The following INPP4B variants were observed in gnomAD, a reference collection of about 807,000 sequenced individuals.
The protein encoded by INPP4B is inositol polyphosphate 4-phosphatase type II.
INPP4B carries 55 observed loss-of-function variants against 122.5 expected under a neutral mutation model. That is an observed-to-expected ratio of 0.45 (90% confidence interval 0.36 to 0.56). The LOEUF (loss-of-function observed/expected upper bound fraction) is 0.56. INPP4B is among the 20% of genes least tolerant of loss of function. The pLI is 0.00. For synonymous variants in INPP4B, 403 were observed against 388.7 expected (o/e 1.04, Z -0.43); for missense variants, 1,000 against 1,097.7 (o/e 0.91, Z 1.26).
At chr4:142,302,942 G>A (rs542307911) in intron 9 of INPP4B, among the ~76,000 whole-genome samples, 2 of 152,004 alleles carry the variant, frequency 1.3e-5, no homozygotes, top group Non-Finnish European at 2.9e-5. Flanking sequence ...TAGTAAATTC[G>A]CATTTAACTA....
At chr4:142,191,579 A>G (rs940877665) in intron 15 of INPP4B, among the ~76,000 whole-genome samples, 3 of 152,196 alleles carry the variant, frequency 2.0e-5, no homozygotes, top group African/African-American at 4.8e-5. Flanking sequence ...AGTAAATAGG[A>G]GATGCCTCTC....
intron 1 of INPP4B, among the ~76,000 whole-genome samples, chr4:142,832,505 T>C (rs1782270872): frequency 6.6e-6 from 1 of 152,158 alleles, no homozygotes; most frequent in Non-Finnish European, 1.5e-5. Flanking sequence ...CATAAATTGC[T>C]TTTAGCCTTT....
intron 2 of INPP4B, among the ~76,000 whole-genome samples, chr4:142,491,931 T>A (rs1821929877): frequency 6.6e-6 from 1 of 152,166 alleles, no homozygotes; most frequent in South Asian, 2.1e-4. Flanking sequence ...AAATAGTAAC[T>A]TGACATGGTT....
intron 2 of INPP4B, among the ~76,000 whole-genome samples, chr4:142,631,336 C>T (rs1307636949): frequency 6.6e-6 from 1 of 151,990 alleles, no homozygotes; most frequent in Non-Finnish European, 1.5e-5. Flanking sequence ...AAAATAGCAA[C>T]AGTTGCAGAA....
chr4:142,256,680 C>G (rs1199063381), intron 11 of INPP4B, among the ~76,000 whole-genome samples: 1 of 152,068 alleles, frequency 6.6e-6, no homozygotes, highest in Non-Finnish European at 1.5e-5. Context: ...CTGAATAGAC[C>G]AATAACAGGC....
At chr4:142,735,393 TTATCA>T (rs1375039167) in intron 1 of INPP4B, among the ~76,000 whole-genome samples, 5 of 152,168 alleles carry the variant, frequency 3.3e-5, no homozygotes, top group African/African-American at 9.7e-5. Flanking sequence ...AATAACATTA[TTATCA>T]TTATTGTAAT....
chr4:142,422,101 G>T (rs1807021748), intron 5 of INPP4B, among the ~76,000 whole-genome samples: 1 of 151,956 alleles, frequency 6.6e-6, no homozygotes, highest in Admixed American at 6.6e-5. Context: ...TGATAATATG[G>T]GAGAGATATT....
chr4:142,318,193 G>A (rs1017437362), intron 7 of INPP4B, among the ~76,000 whole-genome samples: 8 of 152,010 alleles, frequency 5.3e-5, no homozygotes, highest in Non-Finnish European at 1.0e-4. Context: ...CCCAGAGAGA[G>A]AAGAACAAAG....
chr4:142,682,073 A>G lies in INPP4B; in HGVS notation c.-191+43766T>C, dbSNP rs138956351. Among the ~76,000 whole-genome samples, 349 of 152,026 alleles carry G rather than the reference A, an allele frequency of 2.3e-3. 6 individuals carry two copies. Among genetic ancestry groups the G allele is most frequent in the Admixed American group, 0.02 (309 of 15,232 alleles). ...CTGTGAGTTCTAGCCTTATCCTTGA[A>G]GCAATATCTGTAGGAAAATTATTTC... On this transcript the variant is annotated intron_variant, in intron 2 of 25. Coordinates refer to ENST00000262992, the MANE Select transcript of INPP4B (RefSeq NM_001101669.3).
rs1337110204 is a variant in INPP4B, at chr4:142,086,370, G to T, written c.2375-114C>A. On this transcript the variant is annotated intron_variant, in intron 23 of 25. Transcript: ENST00000262992. ...CAAACACAACTTTTCTTTTAGGCAG[G>T]GTCTTGCTCTGCCTACCCAGGCTGG... The T allele has an allele frequency of 1.3e-4, 84 of 645,618 alleles. No homozygotes were observed. In the East Asian group the frequency reaches 2.3e-3, roughly 17 times the overall value. The allele number at this position is 645,618 out of a possible 1,614,324, so 40.0% of individuals were successfully genotyped here.
chr4:142,480,902 G>T (rs1328747246), intron 2 of INPP4B, among the ~76,000 whole-genome samples: 3 of 151,978 alleles, frequency 2.0e-5, no homozygotes, highest in African/African-American at 7.2e-5. Context: ...GTCTAAGGGT[G>T]TTATTTTTAT....
At chr4:142,577,627 C>T (rs1246622317) in intron 2 of INPP4B, among the ~76,000 whole-genome samples, 1 of 151,950 alleles carries the variant, frequency 6.6e-6, no homozygotes, top group South Asian at 2.1e-4. Context: ...GTTATAAAAA[C>T]GTACATGTTA....
chr4:142,065,783 C>T (rs1270944560), intron 25 of INPP4B, among the ~76,000 whole-genome samples: 1 of 152,078 alleles, frequency 6.6e-6, no homozygotes, highest in African/African-American at 2.4e-5. Flanking sequence ...TGTCAATATA[C>T]TAAAAACTAC....
At chr4:142,040,421 T>C (rs1746670039) in intron 25 of INPP4B, among the ~76,000 whole-genome samples, 1 of 152,076 alleles carries the variant, frequency 6.6e-6, no homozygotes, top group South Asian at 2.1e-4. Context: ...TACAGAAAAG[T>C]CTCAAAGCTC....
intron 2 of INPP4B, among the ~76,000 whole-genome samples, chr4:142,711,786 G>A (rs1763150804): frequency 6.6e-6 from 1 of 152,140 alleles, no homozygotes; most frequent in Non-Finnish European, 1.5e-5. Flanking sequence ...GGTGGCTCAT[G>A]ACTGTAACCC....
chr4:142,397,180 G>C (rs1420193249), intron 7 of INPP4B, among the ~76,000 whole-genome samples: 1 of 152,168 alleles, frequency 6.6e-6, no homozygotes, highest in African/African-American at 2.4e-5. Context: ...AGAAGCCTCA[G>C]CTCCCTCTAC....
chr4:142,491,594 T>C lies in INPP4B; in HGVS notation c.-190-28868A>G, dbSNP rs551557678. 8.1e-4 allele frequency among the ~76,000 whole-genome samples: 123 copies of C among 152,174 alleles called. 4 individuals are homozygous for C. In the South Asian group the frequency reaches 0.024, roughly 30 times the overall value. Reference sequence around the variant, plus strand: ...ATTGCTTGAACCCGGGAGGTGGAGGTTGCAGTGAGCCAAGATTGTGCCATT... The same window carrying C: ...ATTGCTTGAACCCGGGAGGTGGAGGCTGCAGTGAGCCAAGATTGTGCCATT... On this transcript the variant is annotated intron_variant, in intron 2 of 25. Coordinates refer to ENST00000262992, the MANE Select transcript of INPP4B (RefSeq NM_001101669.3).
intron 25 of INPP4B, among the ~76,000 whole-genome samples, chr4:142,059,237 T>C (rs939489426): frequency 6.6e-6 from 1 of 152,162 alleles, no homozygotes; most frequent in Non-Finnish European, 1.5e-5. Context: ...ATGTCTCCTG[T>C]GGGTGGAGGG....
rs539085628 is a variant in INPP4B at position 142,377,553 on chromosome 4, T to C, written c.372+25385A>G. 6.6e-5 allele frequency among the ~76,000 whole-genome samples: 10 copies of C among 152,182 alleles called. No individual in the cohort carries two copies. The South Asian group carries it at 1.9e-3, about 28-fold the overall frequency. Reference sequence around the variant, plus strand: ...AGAAGAGGGGTTTTTCTCTCCTTATTCTTTCTTATGTGTGGCTCAAGAAGA... The same window carrying C: ...AGAAGAGGGGTTTTTCTCTCCTTATCCTTTCTTATGTGTGGCTCAAGAAGA... On this transcript the variant is annotated intron_variant, in intron 7 of 25. Coordinates refer to ENST00000262992, the MANE Select transcript of INPP4B (RefSeq NM_001101669.3).
Sources: gnomAD v4.1 joint callset for allele counts (sites outside exome capture counted in the v4.1 genomes callset) on GRCh38, gnomAD v4.1.1 for gene constraint, MANE v1.5 for transcripts, NCBI Gene and HGNC (gene_info 2026-07-23, HGNC 2026-07-21) for gene names.